Variants in ARHGEF11 observed in about 807,000 individuals in gnomAD.
ARHGEF11 encodes Rho guanine exchange factor (GEF) 11.
A neutral mutation model predicts 193.7 loss-of-function variants in ARHGEF11; 55 were observed. The ratio of observed to expected loss-of-function variants is 0.28; its 90% confidence interval spans 0.23 to 0.36. The LOEUF is 0.36. Ranked by LOEUF, ARHGEF11 falls within the 10% of genes least tolerant of loss-of-function variation. The pLI, the probability that ARHGEF11 is intolerant of heterozygous loss-of-function variation, is 1.00. For synonymous variants in ARHGEF11, 693 were observed against 768.0 expected (o/e 0.90, Z 1.62); for missense variants, 1,723 against 2,005.6 (o/e 0.86, Z 2.69).
intron 3 of ARHGEF11, among the ~76,000 whole-genome samples, chr1:156,981,620 G>A (rs552146580): frequency 6.6e-6 from 1 of 152,228 alleles, no homozygotes; most frequent in East Asian, 1.9e-4. Flanking sequence ...GGGACTACAG[G>A]CATGTGCCAA....
chr1:156,937,965 C>CAG (rs1160477511), intron 38 of ARHGEF11, among the ~76,000 whole-genome samples: 1 of 152,152 alleles, frequency 6.6e-6, no homozygotes, highest in Admixed American at 6.5e-5. Context: ...CAAGGGGTGT[C>CAG]AGAGAGAGCT....
At chr1:156,995,202 T>C (rs908814162) in intron 1 of ARHGEF11, among the ~76,000 whole-genome samples, 5 of 152,108 alleles carry the variant, frequency 3.3e-5, no homozygotes, top group Admixed American at 6.5e-5. Context: ...ACACACAGAG[T>C]GATCTTTTAA....
Position 156,956,483 on chromosome 1 carries a change from A to C in ARHGEF11, c.1608T>G (p.Ala536=), listed in dbSNP as rs754598683. Residue 536 remains alanine (A), a synonymous_variant, in exon 19 of 41, where the codon GCT becomes GCG. Transcript: ENST00000368194. ...RLREARPSNT[A]EKAQSAPDKD... ...TGTCAGGAGCAGACTGGGCCTTTTC[A>C]GCTGTGTTGGAAGGTCGTGCCTCTC... 1.2e-6 allele frequency: 2 copies of C among 1,614,096 alleles called. No individual in the cohort carries two copies. The highest frequency in any genetic ancestry group is 1.7e-6 in the Non-Finnish European group (2 of 1,180,000).
intron 1 of ARHGEF11, among the ~76,000 whole-genome samples, chr1:157,005,684 A>T (rs1384783724): frequency 6.6e-6 from 1 of 152,202 alleles, no homozygotes; most frequent in African/African-American, 2.4e-5. Flanking sequence ...TTGTACTGCT[A>T]CTTAGTCTCT....
chr1:156,963,071 T>C, intron 13 of ARHGEF11, 132 bp downstream of exon 13: 1 of 690,460 alleles, frequency 1.4e-6, no homozygotes, highest in Non-Finnish European at 2.5e-6. Context: ...TTGGCTATTT[T>C]GTCTGTCCTT....
intron 1 of ARHGEF11, among the ~76,000 whole-genome samples, chr1:156,993,876 T>C (rs2102583246): frequency 6.6e-6 from 1 of 152,174 alleles, no homozygotes; most frequent in South Asian, 2.1e-4. Context: ...AATAGACAAA[T>C]GGTCTCTGGC....
intron 3 of ARHGEF11, among the ~76,000 whole-genome samples, chr1:156,982,149 C>A (rs1036591643): frequency 2.0e-5 from 3 of 151,604 alleles, no homozygotes; most frequent in Admixed American, 6.6e-5. Flanking sequence ...AACTATCTTG[C>A]CTGAATGTAT....
intron 40 of ARHGEF11, among the ~76,000 whole-genome samples, chr1:156,936,558 G>A (rs887268600): frequency 2.9e-5 from 4 of 139,280 alleles, no homozygotes; most frequent in African/African-American, 1.1e-4. Context: ...TTAGAGGTGA[G>A]AACAGGCTCC....
rs1016741678 is a variant in ARHGEF11, at chr1:156,957,859, A to G, written c.1503-44T>C. ...CAGATGACTCAGACTGCAAAGACAG[A>G]GGCTGGTCACCTGGTTAGAGGCTAG... On this transcript the variant is annotated intron_variant, in intron 17 of 40. Coordinates refer to ENST00000368194, the MANE Select transcript of ARHGEF11 (RefSeq NM_198236.3). The G allele has an allele frequency of 2.5e-6, 4 of 1,609,092 alleles. No individual in the cohort carries two copies. In the African/African-American group the frequency reaches 5.3e-5, roughly 21 times the overall value.
chr1:156,949,805 C>A (rs780874590), intron 22 of ARHGEF11, among the ~76,000 whole-genome samples: 7 of 152,182 alleles, frequency 4.6e-5, no homozygotes, highest in Non-Finnish European at 1.0e-4. Context: ...TGAGGCATAT[C>A]ATCTGTCTTT....
intron 11 of ARHGEF11, among the ~76,000 whole-genome samples, chr1:156,966,843 G>A (rs899391866): frequency 1.3e-5 from 2 of 152,136 alleles, no homozygotes; most frequent in African/African-American, 4.8e-5. Flanking sequence ...TATTTTTCGG[G>A]TTGTTTTAAA....
At chr1:156,998,968 C>T (rs1261346248) in intron 1 of ARHGEF11, among the ~76,000 whole-genome samples, 1 of 152,094 alleles carries the variant, frequency 6.6e-6, no homozygotes, top group African/African-American at 2.4e-5. Flanking sequence ...GATCCAAGAT[C>T]TGATTATTAG....
rs370925003 is a variant in ARHGEF11, at chr1:156,944,442, G to A, written c.2992-9C>T. The A allele has an allele frequency of 6.3e-7, 1 of 1,580,516 alleles. No homozygotes were observed. The highest frequency in any genetic ancestry group is 8.5e-7 in the Non-Finnish European group (1 of 1,170,408). ...GTTGTAAGATCCAGGCTCTGTTAAGGAGACACCATTCATTCATTCATTCAT... is the reference window on the plus strand; with the variant it reads ...GTTGTAAGATCCAGGCTCTGTTAAGAAGACACCATTCATTCATTCATTCAT... On this transcript the variant is annotated splice_polypyrimidine_tract_variant and intron_variant, in intron 30 of 40. Transcript: ENST00000368194.
rs1661264987 is a variant in ARHGEF11 at position 156,963,520 on chromosome 1, C to T, written c.1038G>A (p.Glu346=). ...EDYDPGYFNN[E]SDIIFQDLEK... is the part of the protein sequence containing the mutation. ...AAGGAGAAAACTAGGAAACCGTTAC[C>T]TCGTTGTTGAAATAACCCGGGTCAT... The change falls in exon 12 of 41, where the codon GAG becomes GAA. Residue 346 remains glutamate (E), a splice_region_variant and synonymous_variant. Transcript: ENST00000368194. 2 of 1,613,198 alleles carry T rather than the reference C, an allele frequency of 1.2e-6. No homozygotes were observed. Among genetic ancestry groups the T allele is most frequent in the South Asian group, 1.1e-5 (1 of 90,884 alleles).
At chr1:157,021,432 T>C (rs909208784) in intron 1 of ARHGEF11, among the ~76,000 whole-genome samples, 1 of 152,138 alleles carries the variant, frequency 6.6e-6, no homozygotes, top group East Asian at 1.9e-4. Flanking sequence ...ATAATAACCA[T>C]CAAGGATGTA....
chr1:156,951,878 C>T (rs367583029), intron 21 of ARHGEF11, among the ~76,000 whole-genome samples, 179 bp from the exon 22 acceptor site: 4 of 152,072 alleles, frequency 2.6e-5, no homozygotes, highest in African/African-American at 9.7e-5. Context: ...TGCTGTGTGG[C>T]CCTGGGCAGT....
At chr1:157,041,791 T>C (rs1672782309) in intron 1 of ARHGEF11, among the ~76,000 whole-genome samples, 1 of 152,180 alleles carries the variant, frequency 6.6e-6, no homozygotes, top group Non-Finnish European at 1.5e-5. Flanking sequence ...GGGCTTACAG[T>C]CTGGTGTTGC....
chr1:156,969,480 T>G, intron 9 of ARHGEF11, 122 bp from the exon 10 acceptor site: 2 of 884,156 alleles, frequency 2.3e-6, no homozygotes, highest in Non-Finnish European at 3.6e-6. Context: ...TTTCACCAGT[T>G]TCCCTTCAGC....
chr1:156,984,964 T>C (rs1188683208), intron 2 of ARHGEF11, among the ~76,000 whole-genome samples: 1 of 151,884 alleles, frequency 6.6e-6, no homozygotes, highest in Non-Finnish European at 1.5e-5. Flanking sequence ...GAAGGACACA[T>C]GACAAGAAGA....
Sources: gnomAD v4.1 joint callset for allele counts (sites outside exome capture counted in the v4.1 genomes callset) on GRCh38, gnomAD v4.1.1 for gene constraint, MANE v1.5 for transcripts, NCBI Gene and HGNC (gene_info 2026-07-23, HGNC 2026-07-21) for gene names.